ADGRV1: variants seen among roughly 807,000 people sequenced by gnomAD.
The protein encoded by ADGRV1 is adhesion G protein-coupled receptor V1.
A neutral mutation model predicts 596.2 loss-of-function variants in ADGRV1; 359 were observed. The ratio of observed to expected loss-of-function variants is 0.60; its 90% CI spans 0.55 to 0.66. ADGRV1 has a LOEUF of 0.66. Ranked by LOEUF, ADGRV1 falls within the 30% of genes least tolerant of loss-of-function variation. The pLI, the probability that ADGRV1 is intolerant of heterozygous loss-of-function variation, is 0.00. For synonymous variants in ADGRV1, 2,681 were observed against 2,679.2 expected (o/e 1.00, Z -0.02); for missense variants, 7,274 against 7,575.6 (o/e 0.96, Z 1.48).
intron 85 of ADGRV1, among the ~76,000 whole-genome samples, chr5:91,004,749 G>A (rs371721697): frequency 6.6e-6 from 1 of 152,066 alleles, no homozygotes; most frequent in African/African-American, 2.4e-5. Context: ...GAAAACACTG[G>A]GGCTTCAGGG....
Position 90,841,265 on chromosome 5 carries a change from G to C in ADGRV1, c.17019+280G>C, listed in dbSNP as rs573403926. 7.9e-5 allele frequency among the ~76,000 whole-genome samples: 12 copies of C among 152,202 alleles called. 1 individual carries two copies. In the South Asian group the frequency reaches 2.3e-3, roughly 29 times the overall value. ...TGAAAAAAAAGGCTCCAGAGGTTGG[G>C]AGCTATAGGCAGTTGGCGACTCTCC... is the stretch of plus-strand genomic sequence containing the variant. On this transcript the variant is annotated intron_variant, in intron 78 of 89. Transcript: ENST00000405460.
intron 83 of ADGRV1, among the ~76,000 whole-genome samples, chr5:90,922,448 T>C (rs1437299604): frequency 1.3e-5 from 2 of 152,212 alleles, no homozygotes; most frequent in Admixed American, 6.5e-5. Flanking sequence ...ATTCCCTATA[T>C]TCTATACTTT....
intron 74 of ADGRV1, among the ~76,000 whole-genome samples, chr5:90,814,712 C>G (rs1762743046): frequency 6.6e-6 from 1 of 152,150 alleles, no homozygotes; most frequent in Non-Finnish European, 1.5e-5. Context: ...ACATGCAAAA[C>G]TGTGAATCAA....
rs542972017 is a variant in ADGRV1, at chr5:90,687,887, A to G, written c.6490+1892A>G. ...AAGGAGAACTACAAACCACTGCTCA[A>G]CGAAATAAAAGAGGATACAAACAAG... On this transcript the variant is annotated intron_variant, in intron 29 of 89. Transcript: ENST00000405460. Among the ~76,000 whole-genome samples, 318 of 152,274 alleles carry G rather than the reference A, an allele frequency of 2.1e-3. 4 individuals are homozygous for G. Among genetic ancestry groups the G allele is most frequent in the African/African-American group, 7.1e-3 (296 of 41,516 alleles).
chr5:90,648,250 A>G (rs762670606), intron 17 of ADGRV1, among the ~76,000 whole-genome samples: 14 of 152,218 alleles, frequency 9.2e-5, no homozygotes, highest in Non-Finnish European at 1.3e-4. Flanking sequence ...CAAGTGAAAA[A>G]GATGTGTTCG....
At position 90,871,366 on chromosome 5, in the gene ADGRV1, G is replaced by A. The variant is rs554960653; in HGVS notation, c.17856+7509G>A. Among the ~76,000 whole-genome samples, 20 of 151,916 alleles carry A rather than the reference G, an allele frequency of 1.3e-4. No individual in the cohort carries two copies. The East Asian group carries it at 2.9e-3, about 22-fold the overall frequency. On this transcript the variant is annotated intron_variant, in intron 83 of 89. Transcript: ENST00000405460. The stretch of plus-strand genomic sequence containing the variant: ...CTTAAAGTCTCTTAATAATAAAATC[G>A]AATTCCTTTTCCTCAACAAGCTTTC...
intron 75 of ADGRV1, among the ~76,000 whole-genome samples, chr5:90,817,595 G>C (rs1763028806): frequency 6.6e-6 from 1 of 151,970 alleles, no homozygotes; most frequent in Non-Finnish European, 1.5e-5. Flanking sequence ...TTTGTGTAAG[G>C]TGTAAGGAAG....
At chr5:90,708,245 A>C (rs536318443) in intron 38 of ADGRV1, among the ~76,000 whole-genome samples, 1 of 152,126 alleles carries the variant, frequency 6.6e-6, no homozygotes, top group Admixed American at 6.6e-5. Context: ...GATTAATAAT[A>C]ATAGCTATTA....
At chr5:90,611,943 T>C (rs148169023) in intron 1 of ADGRV1, among the ~76,000 whole-genome samples, 171 of 152,186 alleles carry the variant, frequency 1.1e-3, no homozygotes, top group African/African-American at 3.7e-3. Context: ...CTTTTTTTAA[T>C]CTTTAAATTC....
rs981634067 is a variant in ADGRV1, at chr5:91,120,429, G to A, written c.18432+18089G>A. 3.3e-5 allele frequency among the ~76,000 whole-genome samples: 5 copies of A among 152,154 alleles called. No individual in the cohort carries two copies. The South Asian group carries it at 1.0e-3, about 32-fold the overall frequency. Reference sequence around the variant, plus strand: ...GGCAGTATTCAAGCTGCCAGTTTGTGGCCTCTGGCTTACCTAATAGGCATT... The same window carrying A: ...GGCAGTATTCAAGCTGCCAGTTTGTAGCCTCTGGCTTACCTAATAGGCATT... On this transcript the variant is annotated intron_variant, in intron 87 of 89. Coordinates refer to ENST00000405460, the MANE Select transcript of ADGRV1 (RefSeq NM_032119.4).
At chr5:90,964,391 C>T (rs1191407009) in intron 83 of ADGRV1, among the ~76,000 whole-genome samples, 1 of 152,082 alleles carries the variant, frequency 6.6e-6, no homozygotes, top group East Asian at 1.9e-4. Context: ...GTGGTACCCT[C>T]TGAAAATACA....
chr5:90,759,835 C>T (rs907762021), intron 58 of ADGRV1: 21 of 420,170 alleles, frequency 5.0e-5, no homozygotes, highest in African/African-American at 4.1e-4. Context: ...CGTGGTGGCA[C>T]ATGCCTGTAT....
chr5:90,646,150 GT>G, intron 16 of ADGRV1, 59 bp downstream of exon 16: 1 of 1,235,446 alleles, frequency 8.1e-7, no homozygotes, highest in Non-Finnish European at 1.1e-6. Flanking sequence ...ATATATAAAT[GT>G]ATATATGCAC....
At position 90,706,489 on chromosome 5, in the gene ADGRV1, C is replaced by A; in HGVS notation, c.8730+95C>A. 13 of 1,107,544 alleles carry A rather than the reference C, an allele frequency of 1.2e-5. No individual in the cohort carries two copies. The South Asian group carries it at 2.1e-4, about 18-fold the overall frequency. 68.6% of individuals were successfully genotyped at this position (1,107,544 alleles called of 1,614,324 possible). ...TTTTAGTGTACAAGTGCACAATGTG[C>A]AGGTTTGTTACATATATATACATGT... On this transcript the variant is annotated intron_variant, in intron 38 of 89. Coordinates refer to ENST00000405460, the MANE Select transcript of ADGRV1 (RefSeq NM_032119.4).
At chr5:91,123,616 A>G (rs184347206) in intron 87 of ADGRV1, among the ~76,000 whole-genome samples, 1 of 152,344 alleles carries the variant, frequency 6.6e-6, no homozygotes, top group East Asian at 1.9e-4. Context: ...TTGCCAAACC[A>G]TGGCAATTCC....
chr5:90,712,346 T>A lies in ADGRV1; in HGVS notation c.9102T>A (p.Asp3034Glu). ...YKNVNIMILD[D>E]DIPEGDEKFQ... Reference sequence around the variant, plus strand: ...ATGTCAATATCATGATTCTTGATGATGACATTCCAGAAGGAGATGAAAAAT... The same window carrying A: ...ATGTCAATATCATGATTCTTGATGAAGACATTCCAGAAGGAGATGAAAAAT... The change falls in exon 42 of 90, where the codon GAT becomes GAA. Residue 3034 changes from aspartate (D) to glutamate (E), a missense_variant. Coordinates refer to ENST00000405460, the MANE Select transcript of ADGRV1 (RefSeq NM_032119.4). The A allele has an allele frequency of 6.4e-7, 1 of 1,567,294 alleles. No individual in the cohort carries two copies. The highest frequency in any genetic ancestry group is 1.2e-5 in the South Asian group (1 of 85,798).
chr5:91,052,375 G>A (rs1426971901), intron 85 of ADGRV1, among the ~76,000 whole-genome samples: 1 of 149,248 alleles, frequency 6.7e-6, no homozygotes, highest in African/African-American at 2.5e-5. Context: ...GGATTGTAGT[G>A]TTTTGTTAAT....
At position 90,884,180 on chromosome 5, in the gene ADGRV1, G is replaced by T. The variant is rs184987797; in HGVS notation, c.17856+20323G>T. Among the ~76,000 whole-genome samples the T allele has an allele frequency of 3.3e-5, 5 of 152,226 alleles. No homozygotes were observed. In the East Asian group the frequency reaches 9.7e-4, roughly 29 times the overall value. On this transcript the variant is annotated intron_variant, in intron 83 of 89. Transcript: ENST00000405460. ...GTTGTGGGGCACTGTCCTGTGTATT[G>T]TAGGATGTTTAGCGGCATCCCTGCT...
chr5:90,965,345 C>G lies in ADGRV1; in HGVS notation c.17857-70C>G, dbSNP rs1011416658. On this transcript the variant is annotated intron_variant, in intron 83 of 89. Transcript: ENST00000405460. ...TGAGTCATAGATTTAGATAAGAAAG[C>G]AGTTTACTTTCTTAATATTCTTCAT... is the stretch of plus-strand genomic sequence containing the variant. 4.6e-5 allele frequency: 43 copies of G among 940,196 alleles called. No individual in the cohort carries two copies. In the African/African-American group the frequency reaches 5.3e-4, roughly 12 times the overall value. 58.2% of individuals were successfully genotyped at this position (940,196 alleles called of 1,614,324 possible). A position where few individuals can be genotyped will look rare whatever the true frequency, so the allele number is the denominator to read the frequency against.
Sources: allele counts gnomAD v4.1 joint callset (sites outside exome capture counted in the v4.1 genomes callset), GRCh38; gene constraint gnomAD v4.1.1; transcripts MANE v1.5; gene names NCBI Gene and HGNC (gene_info 2026-07-23, HGNC 2026-07-21).